The following NR6A1 variants were observed in gnomAD, a reference collection of about 807,000 sequenced individuals.
The protein encoded by NR6A1 is retinoic acid receptor-related testis-associated receptor.
Under a neutral mutation model 59.1 loss-of-function variants are expected in NR6A1, and 7 were observed. The observed-to-expected ratio is 0.12, with a 90% CI of 0.07 to 0.22. The LOEUF (loss-of-function observed/expected upper bound fraction) is 0.22. Among genes scored for constraint, NR6A1 ranks in the 10% least tolerant of loss-of-function variants. The pLI is 1.00. For missense variants in NR6A1, 468 were observed against 611.6 expected (o/e 0.77, Z 2.48); for synonymous variants, 243 against 236.1 (o/e 1.03, Z -0.27).
intron 2 of NR6A1, among the ~76,000 whole-genome samples, chr9:124,590,939 T>C (rs897719020): frequency 6.6e-6 from 1 of 152,222 alleles, no homozygotes; most frequent in Non-Finnish European, 1.5e-5. Flanking sequence ...AACAGAACTG[T>C]AAAAGACTTT....
At chr9:124,581,540 C>T (rs553500007) in intron 2 of NR6A1, among the ~76,000 whole-genome samples, 2 of 151,956 alleles carry the variant, frequency 1.3e-5, no homozygotes, top group African/African-American at 4.8e-5. Context: ...TGCAGTGAGC[C>T]GAGATCACGC....
At chr9:124,538,388 A>T in intron 5 of NR6A1, 69 bp from the exon 6 acceptor site, 2 of 1,216,248 alleles carry the variant, frequency 1.6e-6, no homozygotes, top group Non-Finnish European at 2.4e-6. Flanking sequence ...GAAGTGAGCC[A>T]GAAGGTGACT....
intron 8 of NR6A1, among the ~76,000 whole-genome samples, 190 bp downstream of exon 8, chr9:124,526,589 C>T (rs941596322): frequency 4.6e-5 from 7 of 151,968 alleles, no homozygotes; most frequent in East Asian, 3.9e-4. Context: ...AAAGCATTCT[C>T]GCATTCCCTG....
intron 1 of NR6A1, among the ~76,000 whole-genome samples, chr9:124,737,562 G>T (rs1302148954): frequency 6.6e-6 from 1 of 152,208 alleles, no homozygotes; most frequent in African/African-American, 2.4e-5. Flanking sequence ...AATCAGAGTT[G>T]TTCAGCAGAA....
intron 2 of NR6A1, among the ~76,000 whole-genome samples, chr9:124,722,148 A>G (rs1839582909): frequency 6.6e-6 from 1 of 152,228 alleles, no homozygotes; most frequent in Non-Finnish European, 1.5e-5. Context: ...CTTGGCACCC[A>G]AAGTAGGGAG....
intron 2 of NR6A1, among the ~76,000 whole-genome samples, chr9:124,607,731 C>A (rs2130834812): frequency 6.6e-6 from 1 of 152,204 alleles, no homozygotes; most frequent in East Asian, 1.9e-4. Flanking sequence ...GTTAATATTA[C>A]TTAGAATAAT....
intron 7 of NR6A1, among the ~76,000 whole-genome samples, chr9:124,527,421 A>T (rs1832968966): frequency 6.6e-6 from 1 of 152,234 alleles, no homozygotes; most frequent in Admixed American, 6.5e-5. Flanking sequence ...AGCTGAGGTT[A>T]TGCATAGTGA....
intron 2 of NR6A1, among the ~76,000 whole-genome samples, chr9:124,608,910 T>A (rs1049493372): frequency 2.6e-5 from 4 of 152,226 alleles, no homozygotes; most frequent in African/African-American, 9.6e-5. Flanking sequence ...TTGAGCTTTT[T>A]CTCCTATGTT....
At chr9:124,708,015 G>A (rs1372274563) in intron 2 of NR6A1, among the ~76,000 whole-genome samples, 2 of 152,168 alleles carry the variant, frequency 1.3e-5, no homozygotes, top group Non-Finnish European at 2.9e-5. Flanking sequence ...GGCTCACACA[G>A]GTGTCTGATG....
chr9:124,692,158 C>T lies in NR6A1; in HGVS notation c.142+41150G>A, dbSNP rs572275256. On this transcript the variant is annotated intron_variant, in intron 2 of 9. Coordinates refer to ENST00000487099, the MANE Select transcript of NR6A1 (RefSeq NM_033334.4). Reference sequence around the variant, plus strand: ...TAGCAGATCCCCAATATATGTTAATCTCTTACCCTTGTTAACAATTAAAAT... The same window carrying T: ...TAGCAGATCCCCAATATATGTTAATTTCTTACCCTTGTTAACAATTAAAAT... Among the ~76,000 whole-genome samples the T allele has an allele frequency of 6.0e-4, 91 of 152,282 alleles. 1 individual carries two copies. The South Asian group carries it at 0.018, about 31-fold the overall frequency.
chr9:124,584,864 G>GTT (rs1225120063), intron 2 of NR6A1, among the ~76,000 whole-genome samples: 3 of 152,182 alleles, frequency 2.0e-5, no homozygotes, highest in African/African-American at 4.8e-5. Context: ...GCTTAATGAG[G>GTT]AAGGCACGTC....
intron 2 of NR6A1, among the ~76,000 whole-genome samples, chr9:124,631,042 G>A (rs1051108775): frequency 6.6e-6 from 1 of 151,828 alleles, no homozygotes; most frequent in East Asian, 1.9e-4. Context: ...TACAGTTATT[G>A]TGAGGTATAA....
chr9:124,529,814 A>T (rs1209876133), intron 7 of NR6A1, among the ~76,000 whole-genome samples: 6 of 151,836 alleles, frequency 4.0e-5, no homozygotes, highest in Non-Finnish European at 8.8e-5. Context: ...GGGAGTGAAG[A>T]CCACTCCTCA....
rs570054742 is a variant in NR6A1 at position 124,762,996 on chromosome 9, T to A, written c.100+8024A>T. ...ACTCACTGTTCGTTTAAGAAAAAAA[T>A]AGTCTGCCAAATGCCCAAGGCTGAA... On this transcript the variant is annotated intron_variant, in intron 1 of 9. Transcript: ENST00000487099. Among the ~76,000 whole-genome samples the A allele has an allele frequency of 4.6e-5, 7 of 152,314 alleles. No individual in the cohort carries two copies. The South Asian group carries it at 1.2e-3, about 27-fold the overall frequency.
intron 2 of NR6A1, among the ~76,000 whole-genome samples, chr9:124,575,344 C>A (rs1214238596): frequency 6.6e-6 from 1 of 152,104 alleles, no homozygotes; most frequent in East Asian, 1.9e-4. Flanking sequence ...GAGGCTAAGG[C>A]GGGCAGACTG....
chr9:124,627,600 G>A (rs1249005041), intron 2 of NR6A1, among the ~76,000 whole-genome samples: 1 of 152,176 alleles, frequency 6.6e-6, no homozygotes, highest in African/African-American at 2.4e-5. Context: ...TAGAGTTGCT[G>A]TCCCTTTGTC....
intron 1 of NR6A1, among the ~76,000 whole-genome samples, chr9:124,756,300 C>G (rs991322217): frequency 6.6e-6 from 1 of 152,298 alleles, no homozygotes; most frequent in East Asian, 1.9e-4. Flanking sequence ...GAAAGAGCAG[C>G]TGGCTTATTC....
At chr9:124,745,289 A>G (rs1365002493) in intron 1 of NR6A1, among the ~76,000 whole-genome samples, 1 of 151,554 alleles carries the variant, frequency 6.6e-6, no homozygotes, top group African/African-American at 2.4e-5. Flanking sequence ...ATTTTCTCTT[A>G]GTGATTATCT....
chr9:124,611,401 T>G (rs1318551585), intron 2 of NR6A1, among the ~76,000 whole-genome samples: 1 of 152,080 alleles, frequency 6.6e-6, no homozygotes, highest in East Asian at 1.9e-4. Context: ...TCCCCCAGAG[T>G]AGCCACCAAA....
Sources: allele counts gnomAD v4.1 joint callset (sites outside exome capture counted in the v4.1 genomes callset), GRCh38; gene constraint gnomAD v4.1.1; transcripts MANE v1.5; gene names NCBI Gene and HGNC (gene_info 2026-07-23, HGNC 2026-07-21).